Variants in HENMT1 observed in about 807,000 individuals in gnomAD.
The protein encoded by HENMT1 is HEN methyltransferase 1, also known as small RNA 2'-O-methyltransferase.
In HENMT1, 27 loss-of-function variants were observed where a neutral mutation model predicts 31.1. The observed-to-expected ratio is 0.87, with a 90% CI of 0.64 to 1.20. The LOEUF (loss-of-function observed/expected upper bound fraction) is 1.20. HENMT1 is among the 50% of genes most tolerant of loss of function. HENMT1 has a pLI of 0.00. For synonymous variants in HENMT1, 167 were observed against 172.2 expected (o/e 0.97, Z 0.24); for missense variants, 438 against 469.6 (o/e 0.93, Z 0.62).
At chr1:108,660,684 G>A (rs1285959207) in intron 1 of HENMT1, among the ~76,000 whole-genome samples, 1 of 152,104 alleles carries the variant, frequency 6.6e-6, no homozygotes, top group Admixed American at 6.6e-5. Context: ...CAGCACTTTG[G>A]GAGGCCGAGG....
At chr1:108,656,361 G>C (rs1415619744) in intron 3 of HENMT1, among the ~76,000 whole-genome samples, 1 of 152,196 alleles carries the variant, frequency 6.6e-6, no homozygotes, top group Non-Finnish European at 1.5e-5. Context: ...CTTTCATCTA[G>C]AAATTCACCT....
chr1:108,656,114 C>T (rs555052545), intron 3 of HENMT1, among the ~76,000 whole-genome samples: 1 of 152,310 alleles, frequency 6.6e-6, no homozygotes, highest in South Asian at 2.1e-4. Flanking sequence ...ACCCCTCACA[C>T]ATTTATTTGA....
At chr1:108,653,659 G>T (rs542414046) in intron 5 of HENMT1, among the ~76,000 whole-genome samples, 1 of 152,296 alleles carries the variant, frequency 6.6e-6, no homozygotes, top group East Asian at 1.9e-4. Flanking sequence ...TGGTTGAGTT[G>T]CATTTCCCTG....
At chr1:108,652,990 C>CT (rs931087110) in intron 5 of HENMT1, among the ~76,000 whole-genome samples, 2 of 151,412 alleles carry the variant, frequency 1.3e-5, no homozygotes, top group African/African-American at 2.4e-5. Context: ...AATTTCATTC[C>CT]TTTTTTAGGG....
Position 108,655,443 on chromosome 1 carries a change from G to A in HENMT1, c.263+143C>T, listed in dbSNP as rs116522616. The A allele has an allele frequency of 1.2e-3, 610 of 512,652 alleles. 5 individuals carry two copies. Among genetic ancestry groups the A allele is most frequent in the African/African-American group, 0.011 (563 of 50,206 alleles). 31.8% of individuals were successfully genotyped at this position (512,652 alleles called of 1,614,324 possible). ...AAAATGCAGGTATTTTTAGTGTTAT[G>A]GCAAAGCCTGATTATTCAGTGAGTT... On this transcript the variant is annotated intron_variant, in intron 4 of 7. Transcript: ENST00000651461.
At chr1:108,658,174 C>CAGGCTGG (rs1170411689) in intron 2 of HENMT1, among the ~76,000 whole-genome samples, 1 of 151,770 alleles carries the variant, frequency 6.6e-6, no homozygotes, top group African/African-American at 2.4e-5. Flanking sequence ...CTCTGTCACC[C>CAGGCTGG]AGGCTGGAGT....
In HENMT1 at chr1:108,655,690, G is replaced by A. The variant is rs1315789256; in HGVS notation, c.159C>T (p.Asp53=). Residue 53 remains aspartate, a synonymous_variant, in exon 4 of 8, where the codon GAC becomes GAT. Transcript: ENST00000651461. ...AGAGTGAAGTATCACCACATCCCAGGTCTGCAACCTGTAGATGAGACAGAA... is the reference window on the plus strand; with the variant it reads ...AGAGTGAAGTATCACCACATCCCAGATCTGCAACCTGTAGATGAGACAGAA... ...VDQHEPKKVA[D]LGCGDTSLLR... The A allele has an allele frequency of 6.2e-7, 1 of 1,601,186 alleles. No individual in the cohort carries two copies. The highest frequency in any genetic ancestry group is 8.5e-7 in the Non-Finnish European group (1 of 1,172,138).
At chr1:108,655,982 T>G (rs2101000434) in intron 3 of HENMT1, among the ~76,000 whole-genome samples, 1 of 152,218 alleles carries the variant, frequency 6.6e-6, no homozygotes, top group Admixed American at 6.5e-5. Context: ...CAACTGTTAT[T>G]GTCTATATTG....
rs1658456722 is a variant in HENMT1, at chr1:108,661,084, C to T, written c.-200G>A. 1 of 794,312 alleles carries T rather than the reference C, an allele frequency of 1.3e-6. No individual in the cohort carries two copies. The highest frequency in any genetic ancestry group is 1.5e-6 in the Non-Finnish European group (1 of 655,864). The allele number at this position is 794,312 out of a possible 1,614,324, so 49.2% of individuals were successfully genotyped here. A position where few individuals can be genotyped will look rare whatever the true frequency, so the allele number is the denominator to read the frequency against. The stretch of plus-strand genomic sequence containing the variant: ...GCCAGCGTCCTCAACTCAGCGCCGC[C>T]CTGACGCCCGCGCACGCACGGCCTC... On this transcript the variant is annotated 5_prime_UTR_variant, in exon 1 of 8. Transcript: ENST00000651461.
At position 108,650,349 on chromosome 1, in the gene HENMT1, C is replaced by G. The variant is rs1272612900; in HGVS notation, c.618G>C (p.Glu206Asp). ...CTGGTGGTTCCCCGACACCAGTAAA[C>G]TCCACAGAGTAATCATAGCGATTTG... is the stretch of plus-strand genomic sequence containing the variant. ...YVANRYDYSV[E>D]FTGVGEPPAG... The change falls in exon 7 of 8, where the codon GAG (glutamate) becomes GAC (aspartate). Residue 206 changes from glutamate (E) to aspartate (D), a missense_variant. Glu to Asp is a conservative substitution (Grantham distance 45, BLOSUM62 2). Transcript: ENST00000651461. 1 of 1,614,032 alleles carries G rather than the reference C, an allele frequency of 6.2e-7. No homozygotes were observed. The highest frequency in any genetic ancestry group is 1.3e-5 in the African/African-American group (1 of 74,906).
Position 108,648,912 on chromosome 1 carries a change from A to C in HENMT1, c.836T>G (p.Val279Gly), listed in dbSNP as rs1657961443. 6.2e-7 allele frequency: 1 copy of C among 1,614,020 alleles called. No individual in the cohort carries two copies. The highest frequency in any genetic ancestry group is 1.7e-5 in the Admixed American group (1 of 60,012). ...LVLVNEVSQQ[V>G]ESLRVSHLPR... is the part of the protein sequence containing the mutation. ...CAGGTGGCTCACTCTTAAGCTTTCCACTTGTTGGGACACCTCATTAACCAA... is the reference window on the plus strand; with the variant it reads ...CAGGTGGCTCACTCTTAAGCTTTCCCCTTGTTGGGACACCTCATTAACCAA... The change falls in exon 8 of 8, where the codon GTG becomes GGG. Residue 279 changes from valine (V) to glycine (G), a missense_variant. By Grantham distance (109) the Val-to-Gly change is moderately radical. Transcript: ENST00000651461.
rs191420713 is a variant in HENMT1, at chr1:108,653,769, G to A, written c.398+947C>T. ...GTCCTTTGCCCACTTTTTATTTGGG[G>A]TTTTTTTGCTGTTGAGATTCTTGTA... On this transcript the variant is annotated intron_variant, in intron 5 of 7. Coordinates refer to ENST00000651461, the MANE Select transcript of HENMT1 (RefSeq NM_001102592.2). 2.0e-5 allele frequency among the ~76,000 whole-genome samples: 3 copies of A among 152,144 alleles called. No individual in the cohort carries two copies. In the East Asian group the frequency reaches 5.8e-4, roughly 29 times the overall value.
In HENMT1 at chr1:108,650,351, C is replaced by A. The variant is rs780173037; in HGVS notation, c.616G>T (p.Glu206Ter). Residue 206 changes from glutamate (E) to a stop codon, truncating the protein, a stop_gained, in exon 7 of 8, where the codon GAG becomes TAG. Transcript: ENST00000651461. LOFTEE classifies it high-confidence loss of function. ...GGTGGTTCCCCGACACCAGTAAACT[C>A]CACAGAGTAATCATAGCGATTTGCC... ...YVANRYDYSV[E>*]FTGVGEPPAG... 1.2e-6 allele frequency: 2 copies of A among 1,614,018 alleles called. No homozygotes were observed. The highest frequency in any genetic ancestry group is 8.5e-7 in the Non-Finnish European group (1 of 1,180,032).
rs1657937916 is a variant in HENMT1, at chr1:108,648,430, T to C, written c.*136A>G. 2 of 741,146 alleles carry C rather than the reference T, an allele frequency of 2.7e-6. No individual in the cohort carries two copies. The highest frequency in any genetic ancestry group is 1.9e-5 in the South Asian group (1 of 52,858). The allele number at this position is 741,146 out of a possible 1,614,324, so 45.9% of individuals were successfully genotyped here. On this transcript the variant is annotated 3_prime_UTR_variant, in exon 8 of 8. Coordinates refer to ENST00000651461, the MANE Select transcript of HENMT1 (RefSeq NM_001102592.2). ...TCTGGCCATATCTCAAGCAGGTCTGTCCAATGGCTTGGAACATAGACTTTT... is the reference window on the plus strand; with the variant it reads ...TCTGGCCATATCTCAAGCAGGTCTGCCCAATGGCTTGGAACATAGACTTTT...
chr1:108,658,090 C>T (rs57901466), intron 2 of HENMT1, among the ~76,000 whole-genome samples: 74 of 73,430 alleles, frequency 1.0e-3, no homozygotes, highest in African/African-American at 3.0e-3. Context: ...CACACACACA[C>T]ACACATATAT....
At chr1:108,658,040 T>C (rs535209566) in intron 2 of HENMT1, among the ~76,000 whole-genome samples, 12 of 122,582 alleles carry the variant, frequency 9.8e-5, no homozygotes, top group African/African-American at 3.9e-4. Flanking sequence ...CACACACACA[T>C]ATATATACAC....
intron 5 of HENMT1, among the ~76,000 whole-genome samples, chr1:108,653,575 T>G (rs573494310): frequency 6.6e-6 from 1 of 152,368 alleles, no homozygotes; most frequent in East Asian, 1.9e-4. Flanking sequence ...ATGAGTTCCC[T>G]TTCTCTGCAT....
chr1:108,659,212 T>A (rs899364739), intron 2 of HENMT1, among the ~76,000 whole-genome samples: 1 of 152,204 alleles, frequency 6.6e-6, no homozygotes, highest in African/African-American at 2.4e-5. Context: ...CCCAAGTTAT[T>A]CCAAACATAC....
At chr1:108,654,163 T>C (rs1658143426) in intron 5 of HENMT1, among the ~76,000 whole-genome samples, 1 of 152,188 alleles carries the variant, frequency 6.6e-6, no homozygotes. Flanking sequence ...TGTATGTTCT[T>C]GGTGTCTTTG....
Sources: gnomAD v4.1 joint callset for allele counts (sites outside exome capture counted in the v4.1 genomes callset) on GRCh38, gnomAD v4.1.1 for gene constraint, MANE v1.5 for transcripts, NCBI Gene and HGNC (gene_info 2026-07-23, HGNC 2026-07-21) for gene names.